SEMA3D: variants seen among roughly 807,000 people sequenced by gnomAD.
SEMA3D encodes semaphorin 3D.
Under a neutral mutation model 100.1 loss-of-function variants are expected in SEMA3D, and 84 were observed. The ratio of observed to expected loss-of-function variants is 0.84; its 90% CI spans 0.70 to 1.01. The LOEUF is 1.01. Ranked by LOEUF, SEMA3D falls within the 50% of genes least tolerant of loss-of-function variation. SEMA3D has a pLI of 0.00. For synonymous variants in SEMA3D, 312 were observed against 320.7 expected (o/e 0.97, Z 0.29); for missense variants, 875 against 934.1 (o/e 0.94, Z 0.82).
intron 8 of SEMA3D, among the ~76,000 whole-genome samples, chr7:85,056,890 C>CACAT (rs1554337227): frequency 3.6e-5 from 5 of 138,566 alleles, no homozygotes; most frequent in Non-Finnish European, 7.8e-5. Context: ...ACATATACAG[C>CACAT]ATATATATAT....
At chr7:85,093,920 G>A (rs1048370614) in intron 4 of SEMA3D, among the ~76,000 whole-genome samples, 7 of 151,908 alleles carry the variant, frequency 4.6e-5, no homozygotes, top group Admixed American at 1.3e-4. Context: ...TCCTGTAAAC[G>A]TGAAGAACAC....
Position 85,144,628 on chromosome 7 carries a change from T to C in SEMA3D, c.-41+8980A>G, listed in dbSNP as rs925725809. ...GAATTTATACACATATATACATTTT[T>C]TCCTTTGGGAACTGGCCTGCAATAT... On this transcript the variant is annotated intron_variant, in intron 2 of 18. Transcript: ENST00000284136. The C allele has an allele frequency of 6.1e-6, 6 of 984,730 alleles. No homozygotes were observed. In the African/African-American group the frequency reaches 8.7e-5, roughly 14 times the overall value. The allele number at this position is 984,730 out of a possible 1,614,324, so 61.0% of individuals were successfully genotyped here. A position where few individuals can be genotyped will look rare whatever the true frequency, so the allele number is the denominator to read the frequency against.
At chr7:85,237,793 GTAAACGC>G in the SEMA3D span, among the ~76,000 whole-genome samples, 16 of 152,124 alleles carry the variant, frequency 1.1e-4, no homozygotes, top group Non-Finnish European at 2.1e-4. Flanking sequence ...GTTCATTTGG[GTAAACGC>G]TAAAGAATGC....
chr7:85,249,848 G>A, the SEMA3D span, among the ~76,000 whole-genome samples: 2 of 152,062 alleles, frequency 1.3e-5, no homozygotes, highest in African/African-American at 4.8e-5. Flanking sequence ...TTAAATTTTC[G>A]ATACCTGAGG....
chr7:85,031,598 G>C (rs1790551529), intron 12 of SEMA3D, among the ~76,000 whole-genome samples: 1 of 151,898 alleles, frequency 6.6e-6, no homozygotes, highest in African/African-American at 2.4e-5. Flanking sequence ...TTTTGATTTG[G>C]AGTTAAGTAG....
Position 85,012,680 on chromosome 7 carries a change from ATATTCT to A in SEMA3D, c.1768+96_1768+101del. ...AACACATGCATTACACAAAATGGAG[ATATTCT>A]TATATAATAGATGGTTTAAGTCATA... On this transcript the variant is annotated intron_variant, in intron 17 of 18. Transcript: ENST00000284136. The A allele has an allele frequency of 1.7e-5, 14 of 836,290 alleles. 1 individual carries two copies. In the South Asian group the frequency reaches 2.2e-4, roughly 13 times the overall value. 51.8% of individuals were successfully genotyped at this position (836,290 alleles called of 1,614,324 possible).
At chr7:85,240,977 CAA>C in the SEMA3D span, among the ~76,000 whole-genome samples, 1 of 151,836 alleles carries the variant, frequency 6.6e-6, no homozygotes, top group South Asian at 2.1e-4. Flanking sequence ...AAGAAAAAAA[CAA>C]ACAATCCCAT....
At chr7:85,027,429 C>A (rs574236932) in intron 12 of SEMA3D, among the ~76,000 whole-genome samples, 1 of 152,028 alleles carries the variant, frequency 6.6e-6, no homozygotes, top group South Asian at 2.1e-4. Context: ...CCAGTGAAAA[C>A]CAATGTGAGT....
the SEMA3D span, among the ~76,000 whole-genome samples, chr7:85,197,545 T>C: frequency 6.6e-6 from 1 of 151,862 alleles, no homozygotes; most frequent in Non-Finnish European, 1.5e-5. Context: ...TTGATTGATG[T>C]CTCATGTGTC....
At chr7:85,215,142 T>A in the SEMA3D span, among the ~76,000 whole-genome samples, 12 of 151,110 alleles carry the variant, frequency 7.9e-5, no homozygotes, top group African/African-American at 2.9e-4. Context: ...TCATAAAAGC[T>A]TTAAGGTTTC....
chr7:85,243,133 T>A, the SEMA3D span, among the ~76,000 whole-genome samples: 1 of 152,170 alleles, frequency 6.6e-6, no homozygotes, highest in Non-Finnish European at 1.5e-5. Context: ...TCCTTTCTCC[T>A]AAGTAAGTCT....
intron 3 of SEMA3D, among the ~76,000 whole-genome samples, chr7:85,116,389 T>C (rs1789247214): frequency 6.8e-6 from 1 of 146,416 alleles, no homozygotes; most frequent in Non-Finnish European, 1.5e-5. Context: ...TATAAATATA[T>C]ACATAAATAT....
chr7:85,242,507 T>C, the SEMA3D span, among the ~76,000 whole-genome samples: 10 of 152,330 alleles, frequency 6.6e-5, no homozygotes, highest in East Asian at 1.9e-3. Flanking sequence ...CTTTCTGTTA[T>C]TTGTCTCTAG....
chr7:85,119,986 G>T (rs2116398067), intron 3 of SEMA3D, among the ~76,000 whole-genome samples: 1 of 150,200 alleles, frequency 6.7e-6, no homozygotes, highest in East Asian at 2.0e-4. Flanking sequence ...TTAGAGACAG[G>T]GTCTTGCATA....
intron 1 of SEMA3D, among the ~76,000 whole-genome samples, chr7:85,169,728 AC>A (rs1004277587): frequency 4.6e-5 from 7 of 151,894 alleles, no homozygotes; most frequent in African/African-American, 1.7e-4. Flanking sequence ...GATGCTACAT[AC>A]AACTCAGGAT....
intron 2 of SEMA3D, among the ~76,000 whole-genome samples, chr7:85,130,668 G>A (rs1789702282): frequency 1.3e-5 from 2 of 152,100 alleles, no homozygotes; most frequent in South Asian, 4.1e-4. Context: ...CTCTGCTATT[G>A]AGAAAGTTAA....
intron 3 of SEMA3D, 61 bp from the exon 4 acceptor site, chr7:85,098,026 A>G: frequency 4.4e-6 from 4 of 917,314 alleles, no homozygotes; most frequent in African/African-American, 1.7e-5. Flanking sequence ...AAAGAGAAAG[A>G]AAGGAGAGAA....
At chr7:85,002,717 T>G (rs1424788532) in intron 18 of SEMA3D, among the ~76,000 whole-genome samples, 1 of 152,172 alleles carries the variant, frequency 6.6e-6, no homozygotes, top group Non-Finnish European at 1.5e-5. Context: ...AAACCACGTT[T>G]GAGCTGGGGT....
At chr7:85,181,907 C>A (rs1390144304) in intron 1 of SEMA3D, 4 of 212,380 alleles carry the variant, frequency 1.9e-5, no homozygotes, top group Non-Finnish European at 2.4e-5. Flanking sequence ...AAAATGCAAA[C>A]ATAAACAGTA....
Sources: allele counts gnomAD v4.1 joint callset (sites outside exome capture counted in the v4.1 genomes callset), GRCh38; gene constraint gnomAD v4.1.1; transcripts MANE v1.5; gene names NCBI Gene and HGNC (gene_info 2026-07-23, HGNC 2026-07-21).